LRRC4C: variants seen among roughly 807,000 people sequenced by gnomAD.
The protein encoded by LRRC4C is leucine rich repeat containing 4C, also known as leucine-rich repeat-containing protein 4C.
A neutral mutation model predicts 33.6 loss-of-function variants in LRRC4C; 5 were observed. The observed-to-expected ratio is 0.15, with a 90% confidence interval of 0.08 to 0.31. LRRC4C has a LOEUF of 0.31. LRRC4C is among the 10% of genes least tolerant of loss of function. LRRC4C has a pLI of 1.00. For synonymous variants in LRRC4C, 329 were observed against 302.0 expected (o/e 1.09, Z -0.93); for missense variants, 560 against 796.7 (o/e 0.70, Z 3.58).
At chr11:40,465,919 A>G (rs1437205941) in intron 3 of LRRC4C, among the ~76,000 whole-genome samples, 2 of 152,070 alleles carry the variant, frequency 1.3e-5, no homozygotes, top group African/African-American at 2.4e-5. Flanking sequence ...CAATTCCGCT[A>G]TTGGGTATCT....
chr11:41,372,652 C>T (rs1952792607), intron 1 of LRRC4C, among the ~76,000 whole-genome samples: 1 of 152,080 alleles, frequency 6.6e-6, no homozygotes, highest in African/African-American at 2.4e-5. Flanking sequence ...AGCCTAACCC[C>T]ATCTCTGATT....
chr11:41,285,301 G>A lies in LRRC4C; in HGVS notation c.-496+174130C>T, dbSNP rs564795481. On this transcript the variant is annotated intron_variant, in intron 1 of 6. Coordinates refer to ENST00000528697, the MANE Select transcript of LRRC4C (RefSeq NM_001258419.2). ...TTGATTTACACATGTATTTCTTCAC[G>A]TATAAAACTGGGTAAAACAAAAACT... 4.6e-5 allele frequency among the ~76,000 whole-genome samples: 7 copies of A among 151,992 alleles called. No individual in the cohort carries two copies. In the South Asian group the frequency reaches 1.0e-3, roughly 23 times the overall value.
intron 3 of LRRC4C, among the ~76,000 whole-genome samples, chr11:40,342,204 C>T (rs1946899356): frequency 2.0e-5 from 3 of 152,154 alleles, no homozygotes. Context: ...GGTGCAGTGG[C>T]TTATGCCTGT....
At position 40,508,954 on chromosome 11, in the gene LRRC4C, C is replaced by A. The variant is rs1057399537; in HGVS notation, c.-270+139188G>T. Among the ~76,000 whole-genome samples, 18 of 152,070 alleles carry A rather than the reference C, an allele frequency of 1.2e-4. No homozygotes were observed. In the East Asian group the frequency reaches 3.1e-3, roughly 26 times the overall value. ...TTGACAAAGCTTTAAAAAAAAGAAA[C>A]TTGAGAAATGAAGTGTTGTGGAGGA... On this transcript the variant is annotated intron_variant, in intron 3 of 6. Coordinates refer to ENST00000528697, the MANE Select transcript of LRRC4C (RefSeq NM_001258419.2).
intron 1 of LRRC4C, among the ~76,000 whole-genome samples, chr11:41,079,604 C>T (rs958173440): frequency 3.3e-5 from 5 of 151,970 alleles, no homozygotes; most frequent in Admixed American, 1.3e-4. Flanking sequence ...TGAGCTTATT[C>T]GTAAACTCAA....
chr11:40,340,433 A>AAT (rs1455143334), intron 3 of LRRC4C, among the ~76,000 whole-genome samples: 1 of 152,164 alleles, frequency 6.6e-6, no homozygotes, highest in Admixed American at 6.6e-5. Flanking sequence ...GCTCACTGAA[A>AAT]ATTCCTCTTC....
At chr11:40,421,992 A>G (rs1290602319) in intron 3 of LRRC4C, among the ~76,000 whole-genome samples, 1 of 152,258 alleles carries the variant, frequency 6.6e-6, no homozygotes, top group East Asian at 1.9e-4. Flanking sequence ...CCACTGTTTC[A>G]GTGATTGTCC....
chr11:41,033,156 C>G lies in LRRC4C; in HGVS notation c.-495-99433G>C, dbSNP rs533764635. Among the ~76,000 whole-genome samples the G allele has an allele frequency of 2.1e-4, 32 of 151,948 alleles. 1 individual carries two copies. The highest frequency in any genetic ancestry group is 3.4e-3 in the Middle Eastern group (1 of 290). ...TGAGATCTAACTGGCTTGTTACGTG[C>G]TTAGGCTCCTCAAGGGGAATATTGA... On this transcript the variant is annotated intron_variant, in intron 1 of 6. Coordinates refer to ENST00000528697, the MANE Select transcript of LRRC4C (RefSeq NM_001258419.2).
At chr11:40,854,270 C>T (rs1001731105) in intron 2 of LRRC4C, among the ~76,000 whole-genome samples, 9 of 152,144 alleles carry the variant, frequency 5.9e-5, no homozygotes, top group Admixed American at 5.9e-4. Flanking sequence ...TGGGAGTTTT[C>T]CCATCACTCT....
At chr11:40,269,728 G>T (rs769563905) in intron 4 of LRRC4C, among the ~76,000 whole-genome samples, 1 of 145,832 alleles carries the variant, frequency 6.9e-6, no homozygotes, top group East Asian at 2.1e-4. Context: ...GTCTGATTTT[G>T]TGTACTTCAA....
intron 1 of LRRC4C, among the ~76,000 whole-genome samples, chr11:40,965,021 C>T (rs1441072363): frequency 2.0e-5 from 3 of 152,106 alleles, no homozygotes; most frequent in Non-Finnish European, 4.4e-5. Flanking sequence ...TCCACACCCT[C>T]TCCAGCACCT....
intron 3 of LRRC4C, among the ~76,000 whole-genome samples, chr11:40,350,029 G>A (rs373435250): frequency 9.2e-5 from 14 of 152,048 alleles, no homozygotes; most frequent in East Asian, 7.7e-4. Context: ...TGTTTTCTCC[G>A]ATCATATGGG....
chr11:40,444,705 T>TACAA (rs1454042384), intron 3 of LRRC4C, among the ~76,000 whole-genome samples: 12 of 152,202 alleles, frequency 7.9e-5, no homozygotes, highest in Non-Finnish European at 1.6e-4. Context: ...TCTGTTTTGT[T>TACAA]TTTTAATAAA....
intron 3 of LRRC4C, among the ~76,000 whole-genome samples, chr11:40,383,416 T>C (rs952098121): frequency 6.6e-6 from 1 of 152,148 alleles, no homozygotes; most frequent in African/African-American, 2.4e-5. Context: ...CTATTTTTAA[T>C]TTTTTGTGGA....
At chr11:40,914,483 G>C (rs1023217347) in intron 2 of LRRC4C, among the ~76,000 whole-genome samples, 5 of 152,164 alleles carry the variant, frequency 3.3e-5, no homozygotes, top group African/African-American at 7.2e-5. Flanking sequence ...CAAGGCCTTA[G>C]ACAAAATTCG....
At chr11:40,482,508 A>G (rs997190526) in intron 3 of LRRC4C, among the ~76,000 whole-genome samples, 1 of 151,800 alleles carries the variant, frequency 6.6e-6, no homozygotes, top group African/African-American at 2.4e-5. Context: ...CCACTCTGTT[A>G]CCGAGGCTGG....
chr11:40,508,882 G>T (rs1350536921), intron 3 of LRRC4C, among the ~76,000 whole-genome samples: 1 of 152,066 alleles, frequency 6.6e-6, no homozygotes, highest in Non-Finnish European at 1.5e-5. Flanking sequence ...TTTTAAAATT[G>T]TAGCTATTAA....
intron 2 of LRRC4C, among the ~76,000 whole-genome samples, chr11:40,656,742 G>A (rs995257891): frequency 6.6e-6 from 1 of 152,108 alleles, no homozygotes; most frequent in Non-Finnish European, 1.5e-5. Context: ...ACCTAAAAGT[G>A]TTATATCCCT....
At chr11:40,913,926 G>A (rs1397623000) in intron 2 of LRRC4C, among the ~76,000 whole-genome samples, 1 of 152,150 alleles carries the variant, frequency 6.6e-6, no homozygotes, top group Non-Finnish European at 1.5e-5. Context: ...ACACCTCTAT[G>A]CAAATAAACT....
Sources: gnomAD v4.1 joint callset for allele counts (sites outside exome capture counted in the v4.1 genomes callset) on GRCh38, gnomAD v4.1.1 for gene constraint, MANE v1.5 for transcripts, NCBI Gene and HGNC (gene_info 2026-07-23, HGNC 2026-07-21) for gene names.